The following TAS2R1 variants were observed in gnomAD, a reference collection of about 807,000 sequenced individuals.
The protein encoded by TAS2R1 is taste 2 receptor member 1.
For missense variants in TAS2R1, 370 were observed against 353.4 expected (o/e 1.05, Z -0.38); for synonymous variants, 141 against 134.2 (o/e 1.05, Z -0.35).
At chr5:9,837,022 T>TTGGC in the TAS2R1 span, among the ~76,000 whole-genome samples, 1 of 152,130 alleles carries the variant, frequency 6.6e-6, no homozygotes, top group Non-Finnish European at 1.5e-5. Context: ...ACGTGACTGG[T>TTGGC]TGGCTGGCTG....
the TAS2R1 span, among the ~76,000 whole-genome samples, chr5:9,814,944 T>C: frequency 6.6e-6 from 1 of 152,230 alleles, no homozygotes; most frequent in Non-Finnish European, 1.5e-5. Context: ...ATTTTGAAAT[T>C]TCTCCATGAA....
the TAS2R1 span, among the ~76,000 whole-genome samples, chr5:9,839,687 G>C: frequency 2.6e-5 from 4 of 152,138 alleles, no homozygotes; most frequent in African/African-American, 4.8e-5. Context: ...GAGAGGCATT[G>C]AGCGTTTTGC....
chr5:9,852,766 T>C, the TAS2R1 span, among the ~76,000 whole-genome samples: 1 of 152,126 alleles, frequency 6.6e-6, no homozygotes, highest in Non-Finnish European at 1.5e-5. Context: ...CAACATCAGA[T>C]GGTGACAAAT....
chr5:9,860,676 T>C, the TAS2R1 span, among the ~76,000 whole-genome samples: 1 of 152,088 alleles, frequency 6.6e-6, no homozygotes, highest in African/African-American at 2.4e-5. Flanking sequence ...AGGGATAGAA[T>C]ATTGGAGAGC....
chr5:9,702,949 G>A (rs1320869430), intron 1 of TAS2R1, among the ~76,000 whole-genome samples: 1 of 152,044 alleles, frequency 6.6e-6, no homozygotes, highest in African/African-American at 2.4e-5. Context: ...GGAGAGGCCA[G>A]AAAGAGAAAA....
intron 2 of TAS2R1, among the ~76,000 whole-genome samples, chr5:9,657,997 CT>C (rs1209625007): frequency 1.3e-5 from 2 of 152,194 alleles, no homozygotes; most frequent in African/African-American, 4.8e-5. Flanking sequence ...CTGATGAGGG[CT>C]GACACAGTGG....
At chr5:9,846,812 A>C in the TAS2R1 span, among the ~76,000 whole-genome samples, 2 of 152,238 alleles carry the variant, frequency 1.3e-5, no homozygotes, top group Non-Finnish European at 2.9e-5. Flanking sequence ...ACCAATTGAA[A>C]ACAAAACCAA....
Position 9,629,816 on chromosome 5 carries a change from TGAA to T in TAS2R1, c.214_216del (p.Phe72del), listed in dbSNP as rs1739836724. ...TTCGCAGAACACATGATGAATTCTA[TGAA>T]GAAGATAACAATCACATTAACGTAG... On this transcript the variant is annotated inframe_deletion, in exon 1 of 1. Coordinates refer to ENST00000382492, the MANE Select transcript of TAS2R1 (RefSeq NM_019599.3). 1.2e-6 allele frequency: 2 copies of T among 1,613,722 alleles called. No individual in the cohort carries two copies. The highest frequency in any genetic ancestry group is 1.3e-5 in the African/African-American group (1 of 74,872).
chr5:9,812,008 G>C, the TAS2R1 span, among the ~76,000 whole-genome samples: 54 of 151,996 alleles, frequency 3.6e-4, no homozygotes, highest in Admixed American at 3.3e-3. Context: ...GCTTGCTCTT[G>C]TCATTATTTC....
the TAS2R1 span, among the ~76,000 whole-genome samples, chr5:9,799,924 T>C: frequency 1.1e-4 from 17 of 152,142 alleles, no homozygotes; most frequent in African/African-American, 4.1e-4. Flanking sequence ...TTTGTTATCA[T>C]AAAAAAATCC....
At chr5:9,646,437 T>C (rs1579766171) in intron 2 of TAS2R1, among the ~76,000 whole-genome samples, 2 of 152,310 alleles carry the variant, frequency 1.3e-5, no homozygotes, top group African/African-American at 4.8e-5. Flanking sequence ...TTTGCATATA[T>C]GTGGCTGCAC....
chr5:9,737,146 C>A, the TAS2R1 span, among the ~76,000 whole-genome samples: 136 of 152,288 alleles, frequency 8.9e-4, no homozygotes, highest in African/African-American at 2.7e-3. Context: ...AGTGTGCAAC[C>A]TATACCACTG....
the TAS2R1 span, among the ~76,000 whole-genome samples, chr5:9,891,878 C>G: frequency 5.3e-5 from 8 of 152,264 alleles, no homozygotes; most frequent in African/African-American, 1.7e-4. Flanking sequence ...CATACTTGAC[C>G]CCTTCTGCAA....
At chr5:9,682,915 T>C (rs993115777) in intron 1 of TAS2R1, among the ~76,000 whole-genome samples, 3 of 152,146 alleles carry the variant, frequency 2.0e-5, no homozygotes, top group Non-Finnish European at 4.4e-5. Context: ...GACTAGAAAA[T>C]TACATAATAT....
At chr5:9,762,093 A>G in the TAS2R1 span, among the ~76,000 whole-genome samples, 1 of 152,150 alleles carries the variant, frequency 6.6e-6, no homozygotes, top group Non-Finnish European at 1.5e-5. Flanking sequence ...TCTTTATTAC[A>G]AGAACATGGA....
chr5:9,885,699 T>G, the TAS2R1 span, among the ~76,000 whole-genome samples: 1 of 152,220 alleles, frequency 6.6e-6, no homozygotes, highest in East Asian at 1.9e-4. Flanking sequence ...GTTAATCAAT[T>G]AAAAATTAAT....
the TAS2R1 span, among the ~76,000 whole-genome samples, chr5:9,874,077 T>G: frequency 1.3e-5 from 2 of 152,066 alleles, no homozygotes; most frequent in South Asian, 4.2e-4. Context: ...TTGGAGTTTA[T>G]TTTAGGACAT....
chr5:9,883,815 A>T, the TAS2R1 span: 2 of 152,178 alleles, frequency 1.3e-5, no homozygotes, highest in Non-Finnish European at 2.9e-5. Context: ...ACTTTGGGTA[A>T]ATATCACAGA....
At chr5:9,891,133 C>T in the TAS2R1 span, among the ~76,000 whole-genome samples, 45 of 152,176 alleles carry the variant, frequency 3.0e-4, no homozygotes, top group Admixed American at 9.8e-4. Flanking sequence ...GAAGACTATT[C>T]ATAATTATCT....
Sources: gnomAD v4.1 joint callset for allele counts (sites outside exome capture counted in the v4.1 genomes callset) on GRCh38, gnomAD v4.1.1 for gene constraint, MANE v1.5 for transcripts, NCBI Gene and HGNC (gene_info 2026-07-23, HGNC 2026-07-21) for gene names.